Variants in OPRD1 observed in about 807,000 individuals in gnomAD.
The protein encoded by OPRD1 is opioid receptor delta 1, also known as delta-type opioid receptor.
Under a neutral mutation model 17.5 loss-of-function variants are expected in OPRD1, and 19 were observed. The ratio of observed to expected loss-of-function variants is 1.09; its 90% CI spans 0.76 to 1.60. The LOEUF (loss-of-function observed/expected upper bound fraction) is 1.60. Among genes scored for constraint, OPRD1 ranks in the 40% most tolerant of loss-of-function variants. The pLI is 0.00. For synonymous variants in OPRD1, 256 were observed against 240.9 expected, an observed-to-expected ratio of 1.06 and a Z score of -0.58; for missense variants, 483 against 547.2, an observed-to-expected ratio of 0.88 and a Z score of 1.17.
At position 28,847,871 on chromosome 1, in the gene OPRD1, T is replaced by A. The variant is rs117123462; in HGVS notation, c.228-11083T>A. Among the ~76,000 whole-genome samples the A allele has an allele frequency of 2.3e-3, 342 of 151,550 alleles. 7 individuals carry two copies. The East Asian group carries it at 0.047, about 21-fold the overall frequency. On this transcript the variant is annotated intron_variant, in intron 1 of 2. Coordinates refer to ENST00000234961, the MANE Select transcript of OPRD1 (RefSeq NM_000911.4). ...AAAATAAATAAATAAAACCAGAAAA[T>A]CAAGTGTTGTGTTGGGCTTAGGGCT...
At chr1:28,850,841 A>G (rs1351319347) in intron 1 of OPRD1, among the ~76,000 whole-genome samples, 1 of 150,112 alleles carries the variant, frequency 6.7e-6, no homozygotes, top group African/African-American at 2.4e-5. Flanking sequence ...TAAAAGGTCA[A>G]TGGAAGAATC....
intron 1 of OPRD1, among the ~76,000 whole-genome samples, chr1:28,816,647 T>G (rs2088672873): frequency 6.6e-6 from 1 of 152,150 alleles, no homozygotes; most frequent in Non-Finnish European, 1.5e-5. Flanking sequence ...TGAGCAGGAC[T>G]TCTGTGGACA....
At position 28,867,219 on chromosome 1, in the gene OPRD1, T is replaced by G. The variant is rs539607013; in HGVS notation, c.*3936T>G. The G allele has an allele frequency of 1.3e-5, 2 of 151,898 alleles. No individual in the cohort carries two copies. Among genetic ancestry groups the G allele is most frequent in the African/African-American group, 4.8e-5 (2 of 41,368 alleles). The allele number at this position is 151,898 out of a possible 1,614,324, so 9.4% of individuals were successfully genotyped here. ...ATTTATTTTGTTTGGGTTTTTTTTT[T>G]TCTGAGACAGGGTCTCCCTCTGTCG... On this transcript the variant is annotated 3_prime_UTR_variant, in exon 3 of 3. Coordinates refer to ENST00000234961, the MANE Select transcript of OPRD1 (RefSeq NM_000911.4).
intron 1 of OPRD1, among the ~76,000 whole-genome samples, chr1:28,834,134 A>T (rs192833357): frequency 6.6e-6 from 1 of 151,880 alleles, no homozygotes; most frequent in Admixed American, 6.6e-5. Context: ...TTGGTATCGA[A>T]CTCCTGACCT....
chr1:28,816,149 C>T (rs2088670282), intron 1 of OPRD1, among the ~76,000 whole-genome samples: 1 of 152,110 alleles, frequency 6.6e-6, no homozygotes, highest in African/African-American at 2.4e-5. Flanking sequence ...ATGCTCTGTG[C>T]TAAATGCCAA....
chr1:28,812,442 C>G lies in OPRD1; in HGVS notation c.59C>G (p.Ser20Trp), dbSNP rs778538430. The change falls in exon 1 of 3, where the codon TCG becomes TGG. Residue 20 changes from serine to tryptophan, a missense_variant. Coordinates refer to ENST00000234961, the MANE Select transcript of OPRD1 (RefSeq NM_000911.4). ...ELQPPLFANA[S>W]DAYPSACPSA... ...CAGCCCCCGCTCTTCGCCAACGCCT[C>G]GGACGCCTACCCTAGCGCCTGCCCC... The G allele has an allele frequency of 8.0e-6, 12 of 1,500,182 alleles. No individual in the cohort carries two copies. The highest frequency in any genetic ancestry group is 5.5e-5 in the East Asian group (2 of 36,040). 92.9% of individuals were successfully genotyped at this position (1,500,182 alleles called of 1,614,324 possible).
At chr1:28,848,440 A>G (rs2088971382) in intron 1 of OPRD1, among the ~76,000 whole-genome samples, 1 of 152,064 alleles carries the variant, frequency 6.6e-6, no homozygotes, top group Admixed American at 6.6e-5. Context: ...GTCCATCAAT[A>G]TACTCCGTTC....
intron 1 of OPRD1, among the ~76,000 whole-genome samples, chr1:28,845,216 G>T (rs1256736816): frequency 6.6e-6 from 1 of 152,054 alleles, no homozygotes; most frequent in Admixed American, 6.6e-5. Flanking sequence ...AGGCACGGTG[G>T]CTCATGCCTG....
chr1:28,858,736 G>A (rs1035230760), intron 1 of OPRD1, among the ~76,000 whole-genome samples: 1 of 151,788 alleles, frequency 6.6e-6, no homozygotes, highest in South Asian at 2.1e-4. Context: ...AGTAGAGATG[G>A]GGTTTCGTCT....
chr1:28,862,336 C>T (rs1178931599), intron 2 of OPRD1, among the ~76,000 whole-genome samples: 1 of 152,158 alleles, frequency 6.6e-6, no homozygotes, highest in Admixed American at 6.5e-5. Flanking sequence ...GGGCCTGAGT[C>T]CTGCTCCTAG....
chr1:28,835,666 T>C, intron 1 of OPRD1, among the ~76,000 whole-genome samples: 1 of 152,214 alleles, frequency 6.6e-6, no homozygotes, highest in East Asian at 1.9e-4. Flanking sequence ...TTGAAGCTAT[T>C]TGTTCCCCCA....
intron 1 of OPRD1, among the ~76,000 whole-genome samples, chr1:28,815,152 C>G (rs1003386238): frequency 1.3e-5 from 2 of 152,152 alleles, no homozygotes; most frequent in African/African-American, 4.8e-5. Flanking sequence ...AGATTTCTCT[C>G]TGTTGCCCAG....
At chr1:28,858,606 C>T (rs975965055) in intron 1 of OPRD1, among the ~76,000 whole-genome samples, 1 of 146,424 alleles carries the variant, frequency 6.8e-6, no homozygotes. Flanking sequence ...AGTGCAATGG[C>T]GCAATCTCGG....
At chr1:28,817,323 C>T (rs778890091) in intron 1 of OPRD1, among the ~76,000 whole-genome samples, 7 of 152,138 alleles carry the variant, frequency 4.6e-5, no homozygotes, top group Non-Finnish European at 8.8e-5. Context: ...CAAAGCACCG[C>T]GTTTTCCCTC....
At chr1:28,846,203 C>A (rs595725) in intron 1 of OPRD1, among the ~76,000 whole-genome samples, 64,393 of 152,054 alleles carry the variant, frequency 0.42, 15,352 homozygotes, top group East Asian at 0.87. Context: ...TTTGGACCAA[C>A]CTTCCTCCTT....
rs571168399 is a variant in OPRD1, at chr1:28,854,558, G to A, written c.228-4396G>A. 6.2e-4 allele frequency among the ~76,000 whole-genome samples: 94 copies of A among 152,156 alleles called. 1 individual carries two copies. Among genetic ancestry groups the A allele is most frequent in the African/African-American group, 2.3e-3 (94 of 41,512 alleles). Reference sequence around the variant, plus strand: ...TAGAGTGAGCCGCCAACTTACGTGGGTGATGAATTGTGGGAGAGGGAGGCT... The same window carrying A: ...TAGAGTGAGCCGCCAACTTACGTGGATGATGAATTGTGGGAGAGGGAGGCT... On this transcript the variant is annotated intron_variant, in intron 1 of 2. Coordinates refer to ENST00000234961, the MANE Select transcript of OPRD1 (RefSeq NM_000911.4).
At chr1:28,830,219 T>C (rs977602473) in intron 1 of OPRD1, among the ~76,000 whole-genome samples, 1 of 151,878 alleles carries the variant, frequency 6.6e-6, no homozygotes, top group African/African-American at 2.4e-5. Context: ...ACAATTACAG[T>C]GGTAGCATCC....
rs2089193473 is a variant in OPRD1, at chr1:28,868,565, GGT to G, written c.*5284_*5285del. 6.6e-6 allele frequency: 1 copy of G among 152,414 alleles called. No individual in the cohort carries two copies. Among genetic ancestry groups the G allele is most frequent in the South Asian group, 2.1e-4 (1 of 4,836 alleles). 9.4% of individuals were successfully genotyped at this position (152,414 alleles called of 1,614,324 possible). On this transcript the variant is annotated 3_prime_UTR_variant, in exon 3 of 3. Transcript: ENST00000234961. ...AATTAGAAATGCTCCTCAAGGGCTG[GGT>G]GCAGTGGCTCACGCCTGTAATCCTA...
At chr1:28,816,906 C>T (rs560773100) in intron 1 of OPRD1, among the ~76,000 whole-genome samples, 31 of 152,176 alleles carry the variant, frequency 2.0e-4, no homozygotes, top group Non-Finnish European at 2.9e-4. Context: ...CTCTTCCTCC[C>T]GCCTGGCCCA....
Sources: allele counts gnomAD v4.1 joint callset (sites outside exome capture counted in the v4.1 genomes callset), GRCh38; gene constraint gnomAD v4.1.1; transcripts MANE v1.5; gene names NCBI Gene and HGNC (gene_info 2026-07-23, HGNC 2026-07-21).